NCDN: variants seen among roughly 807,000 people sequenced by gnomAD.
NCDN encodes norbin.
NCDN carries 9 observed loss-of-function variants against 60.7 expected under a neutral mutation model. The ratio of observed to expected loss-of-function variants is 0.15; its 90% confidence interval spans 0.09 to 0.26. The LOEUF (loss-of-function observed/expected upper bound fraction) is 0.26. NCDN is among the 10% of genes least tolerant of loss of function. The pLI, the probability that NCDN is intolerant of heterozygous loss-of-function variation, is 1.00. For missense variants in NCDN, 578 were observed against 975.2 expected (o/e 0.59, Z 5.42); for synonymous variants, 409 against 442.5 (o/e 0.92, Z 0.95).
At chr1:35,564,223 G>A (rs1029616532) in intron 6 of NCDN, among the ~76,000 whole-genome samples, 3 of 152,116 alleles carry the variant, frequency 2.0e-5, no homozygotes, top group Admixed American at 6.5e-5. Context: ...AGGTGGAGCC[G>A]CCCCCACCCA....
In NCDN at chr1:35,565,190, G is replaced by A; in HGVS notation, c.1754-37G>A. 1 of 1,566,576 alleles carries A rather than the reference G, an allele frequency of 6.4e-7. No homozygotes were observed. Among genetic ancestry groups the A allele is most frequent in the South Asian group, 1.2e-5 (1 of 83,574 alleles). ...AAGGGTCTGACACAGCAGCTGGCCTGTCCGATTCATGCCCCACTCCTTCCG... is the reference window on the plus strand; with the variant it reads ...AAGGGTCTGACACAGCAGCTGGCCTATCCGATTCATGCCCCACTCCTTCCG... On this transcript the variant is annotated intron_variant, in intron 6 of 6. Transcript: ENST00000373243. The surrounding 1 kb of genome is among the most constrained non-coding windows in gnomAD (Gnocchi z 8.9).
chr1:35,562,542 G>A lies in NCDN; in HGVS notation c.1294G>A (p.Ala432Thr). 1 of 1,614,088 alleles carries A rather than the reference G, an allele frequency of 6.2e-7. No individual in the cohort carries two copies. ...VRYAKTLYEE[A>T]EEANDLSQQV... ...CTATGCCAAGACCCTCTACGAGGAG[G>A]CCGAGGAGGCCAATGACCTTTCCCA... Residue 432 changes from alanine to threonine, a missense_variant, in exon 4 of 7, where the codon GCC becomes ACC. Physicochemically the swap from Ala to Thr is moderately conservative, Grantham distance 58. This residue lies in a region of NCDN where 363 missense variants were observed against 583.6 expected (regional missense o/e 0.62). Coordinates refer to ENST00000373243, the MANE Select transcript of NCDN (RefSeq NM_014284.3). The surrounding 1 kb of genome is among the most constrained non-coding windows in gnomAD (Gnocchi z 6.8).
intron 6 of NCDN, among the ~76,000 whole-genome samples, 163 bp downstream of exon 6, chr1:35,564,072 TCC>T (rs1053662133): frequency 6.6e-5 from 10 of 152,184 alleles, no homozygotes; most frequent in Non-Finnish European, 1.5e-4. Context: ...CCACCGTTCT[TCC>T]CAAAATGCTA....
At position 35,563,092 on chromosome 1, in the gene NCDN, T is replaced by C. The variant is rs994304169; in HGVS notation, c.1386-110T>C. Reference sequence around the variant, plus strand: ...TTTTTCTGTGGTACCTGCGAGGATGTGTCCTTCTCCCCTACTTCCATTTCT... The same window carrying C: ...TTTTTCTGTGGTACCTGCGAGGATGCGTCCTTCTCCCCTACTTCCATTTCT... On this transcript the variant is annotated intron_variant, in intron 4 of 6. Coordinates refer to ENST00000373243, the MANE Select transcript of NCDN (RefSeq NM_014284.3). This position sits in a 1 kb window ranked among gnomAD's most constrained non-coding sequence, Gnocchi z 6.6. The C allele has an allele frequency of 9.8e-7, 1 of 1,017,172 alleles. No individual in the cohort carries two copies. Among genetic ancestry groups the C allele is most frequent in the Middle Eastern group, 3.0e-4 (1 of 3,300 alleles). The allele number at this position is 1,017,172 out of a possible 1,614,324, so 63.0% of individuals were successfully genotyped here.
rs1421229662 is a variant in NCDN at position 35,563,040 on chromosome 1, T to C, written c.1386-162T>C. 1.3e-5 allele frequency among the ~76,000 whole-genome samples: 2 copies of C among 152,222 alleles called. No individual in the cohort carries two copies. Among genetic ancestry groups the C allele is most frequent in the African/African-American group, 4.8e-5 (2 of 41,462 alleles). On this transcript the variant is annotated intron_variant, in intron 4 of 6. Transcript: ENST00000373243. This position sits in a 1 kb window ranked among gnomAD's most constrained non-coding sequence, Gnocchi z 6.6. ...TTGTGGCAGAGCCCAAGTTTGGTCCTGGGTTGTGCGACTCTGAAGCTTGTA... is the reference window on the plus strand; with the variant it reads ...TTGTGGCAGAGCCCAAGTTTGGTCCCGGGTTGTGCGACTCTGAAGCTTGTA...
At chr1:35,559,064 C>T in intron 1 of NCDN, 43 bp from the exon 2 acceptor site, 1 of 1,357,762 alleles carries the variant, frequency 7.4e-7, no homozygotes, top group Non-Finnish European at 1.0e-6. Flanking sequence ...CCACCCCCGT[C>T]CCTCCTCTGC....
rs770201290 is a variant in NCDN, at chr1:35,565,405, C to T, written c.1932C>T (p.Phe644=). Residue 644 remains phenylalanine (F), a synonymous_variant, in exon 7 of 7, where the codon TTC becomes TTT. Coordinates refer to ENST00000373243, the MANE Select transcript of NCDN (RefSeq NM_014284.3). The surrounding 1 kb of genome is among the most constrained non-coding windows in gnomAD (Gnocchi z 8.9). ...TCTGGTTCCTGGGCATGCAGGCCTT[C>T]ACCGGCTGTGTGCCTCTGCTGCCCT... ...QELWFLGMQA[F]TGCVPLLPWL... The T allele has an allele frequency of 1.2e-6, 2 of 1,612,912 alleles. No individual in the cohort carries two copies. Among genetic ancestry groups the T allele is most frequent in the South Asian group, 1.1e-5 (1 of 91,018 alleles).
At position 35,559,141 on chromosome 1, in the gene NCDN, A is replaced by T; in HGVS notation, c.68A>T (p.Glu23Val). 1 of 1,612,024 alleles carries T rather than the reference A, an allele frequency of 6.2e-7. No homozygotes were observed. The highest frequency in any genetic ancestry group is 8.5e-7 in the Non-Finnish European group (1 of 1,179,762). Residue 23 changes from glutamate to valine, a missense_variant, in exon 2 of 7, where the codon GAG (glutamate) becomes GTG (valine). Physicochemically the swap from Glu to Val is moderately radical, Grantham distance 121. Transcript: ENST00000373243. Reference protein sequence around the residue: ...GKASIMASDCEPALNQAEGRN... With the variant: ...GKASIMASDCVPALNQAEGRN... ...GCGAGCATCATGGCCTCGGATTGCG[A>T]GCCAGCTCTGAACCAGGCAGAGGGC...
At position 35,565,358 on chromosome 1, in the gene NCDN, A is replaced by G. The variant is rs1648837507; in HGVS notation, c.1885A>G (p.Ile629Val). The change falls in exon 7 of 7, where the codon ATC becomes GTC. Residue 629 changes from isoleucine (I) to valine (V), a missense_variant. Transcript: ENST00000373243. The surrounding 1 kb of genome is among the most constrained non-coding windows in gnomAD (Gnocchi z 8.9). ...AGCCCTGTCCCCTGAGTATGAGGGC[A>G]TCTGGGCCGACCTGCAGGAGCTCTG... ...VLALSPEYEG[I>V]WADLQELWFL... 1.2e-6 allele frequency: 2 copies of G among 1,613,676 alleles called. No homozygotes were observed. Among genetic ancestry groups the G allele is most frequent in the Admixed American group, 1.7e-5 (1 of 59,996 alleles).
chr1:35,561,413 A>T lies in NCDN; in HGVS notation c.1143+119A>T. ...CGAAGCTGCATGTCCACACAAGCTGATACTGTAGCCAGCACTCCAGGGAGT... is the reference window on the plus strand; with the variant it reads ...CGAAGCTGCATGTCCACACAAGCTGTTACTGTAGCCAGCACTCCAGGGAGT... On this transcript the variant is annotated intron_variant, in intron 3 of 6. Transcript: ENST00000373243. This position sits in a 1 kb window ranked among gnomAD's most constrained non-coding sequence, Gnocchi z 4.9. The T allele has an allele frequency of 7.2e-7, 1 of 1,386,550 alleles. No homozygotes were observed. The highest frequency in any genetic ancestry group is 9.5e-7 in the Non-Finnish European group (1 of 1,047,458). The allele number at this position is 1,386,550 out of a possible 1,614,324, so 85.9% of individuals were successfully genotyped here.
chr1:35,560,304 T>C lies in NCDN; in HGVS notation c.175-22T>C. ...TTCCCACTTCTTCCTTTCATCCTGATGATAGCACATACCCCCTATAGGTGA... is the reference window on the plus strand; with the variant it reads ...TTCCCACTTCTTCCTTTCATCCTGACGATAGCACATACCCCCTATAGGTGA... On this transcript the variant is annotated intron_variant, in intron 2 of 6. Transcript: ENST00000373243. This position sits in a 1 kb window ranked among gnomAD's most constrained non-coding sequence, Gnocchi z 7.6. The C allele has an allele frequency of 1.9e-6, 3 of 1,604,446 alleles. No individual in the cohort carries two copies. Among genetic ancestry groups the C allele is most frequent in the Non-Finnish European group, 2.6e-6 (3 of 1,175,446 alleles).
In NCDN at chr1:35,559,064, CCCT is replaced by C. The variant is rs952309537; in HGVS notation, c.34-38_34-36del. The C allele has an allele frequency of 5.9e-6, 8 of 1,357,632 alleles. No individual in the cohort carries two copies. The Admixed American group carries it at 1.2e-4, about 20-fold the overall frequency. The allele number at this position is 1,357,632 out of a possible 1,614,324, so 84.1% of individuals were successfully genotyped here. ...ACTCTCACCCCCACCCCACCCCCGTCCCTCCTCTGCAGAGGGATGCTCAGTCCC... is the reference window on the plus strand; with the variant it reads ...ACTCTCACCCCCACCCCACCCCCGTCCCTCTGCAGAGGGATGCTCAGTCCC... On this transcript the variant is annotated intron_variant, in intron 1 of 6. Coordinates refer to ENST00000373243, the MANE Select transcript of NCDN (RefSeq NM_014284.3).
At position 35,562,760 on chromosome 1, in the gene NCDN, T is replaced by C. The variant is rs982349478; in HGVS notation, c.1385+127T>C. 8 of 1,316,168 alleles carry C rather than the reference T, an allele frequency of 6.1e-6. No individual in the cohort carries two copies. Among genetic ancestry groups the C allele is most frequent in the Non-Finnish European group, 8.1e-6 (8 of 990,238 alleles). 81.5% of individuals were successfully genotyped at this position (1,316,168 alleles called of 1,614,324 possible). ...TTGGGCCATGAGATATCCCTTAGGG[T>C]TATTTCTGTTTTGGGGGGCTTGTTC... On this transcript the variant is annotated intron_variant, in intron 4 of 6. Transcript: ENST00000373243. This position sits in a 1 kb window ranked among gnomAD's most constrained non-coding sequence, Gnocchi z 6.8.
In NCDN at chr1:35,561,111, G is replaced by C. The variant is rs767016268; in HGVS notation, c.960G>C (p.Leu320=). 1 of 1,613,758 alleles carries C rather than the reference G, an allele frequency of 6.2e-7. No individual in the cohort carries two copies. The highest frequency in any genetic ancestry group is 8.5e-7 in the Non-Finnish European group (1 of 1,179,898). ...ATCTGGCGTGCGTGGAAGTGCGGCT[G>C]GCACTGGAGGAGACGGGCACGGAGG... ...LVNLACVEVR[L]ALEETGTEVK... Residue 320 remains leucine (L), a synonymous_variant, in exon 3 of 7, where the codon CTG becomes CTC. Coordinates refer to ENST00000373243, the MANE Select transcript of NCDN (RefSeq NM_014284.3). The surrounding 1 kb of genome is among the most constrained non-coding windows in gnomAD (Gnocchi z 4.9).
chr1:35,560,185 A>G lies in NCDN; in HGVS notation c.175-141A>G, dbSNP rs1648646948. 8.5e-7 allele frequency: 1 copy of G among 1,174,330 alleles called. No individual in the cohort carries two copies. Among genetic ancestry groups the G allele is most frequent in the Non-Finnish European group, 1.2e-6 (1 of 835,308 alleles). 72.7% of individuals were successfully genotyped at this position (1,174,330 alleles called of 1,614,324 possible). A position where few individuals can be genotyped will look rare whatever the true frequency, so the allele number is the denominator to read the frequency against. On this transcript the variant is annotated intron_variant, in intron 2 of 6. Coordinates refer to ENST00000373243, the MANE Select transcript of NCDN (RefSeq NM_014284.3). This position sits in a 1 kb window ranked among gnomAD's most constrained non-coding sequence, Gnocchi z 7.6. ...ACATTTATCTGCCTCTAAGGAGAAA[A>G]AAGGAGCTGGATGAAATGACCTCAG...
rs1164023649 is a variant in NCDN, at chr1:35,564,979, C to A, written c.1754-248C>A. Among the ~76,000 whole-genome samples the A allele has an allele frequency of 2.6e-5, 4 of 152,312 alleles. No individual in the cohort carries two copies. The East Asian group carries it at 7.7e-4, about 29-fold the overall frequency. The stretch of plus-strand genomic sequence containing the variant: ...GTGGTTGAGTGTACCAAGATGATCA[C>A]ATTTAATTCTCACAACAAATTTCTA... On this transcript the variant is annotated intron_variant, in intron 6 of 6. Coordinates refer to ENST00000373243, the MANE Select transcript of NCDN (RefSeq NM_014284.3).
At position 35,565,869 on chromosome 1, in the gene NCDN, G is replaced by A. The variant is rs1648857716; in HGVS notation, c.*206G>A. 2 of 595,808 alleles carry A rather than the reference G, an allele frequency of 3.4e-6. No individual in the cohort carries two copies. Among genetic ancestry groups the A allele is most frequent in the Admixed American group, 6.7e-5 (2 of 29,724 alleles). The allele number at this position is 595,808 out of a possible 1,614,324, so 36.9% of individuals were successfully genotyped here. A position where few individuals can be genotyped will look rare whatever the true frequency, so the allele number is the denominator to read the frequency against. ...TTCCGCCCCTCAGGCCCCCATGGGGGCAGGGATCGGCTTGGAAATCAACGT... is the reference window on the plus strand; with the variant it reads ...TTCCGCCCCTCAGGCCCCCATGGGGACAGGGATCGGCTTGGAAATCAACGT... On this transcript the variant is annotated 3_prime_UTR_variant, in exon 7 of 7. Transcript: ENST00000373243. The surrounding 1 kb of genome is among the most constrained non-coding windows in gnomAD (Gnocchi z 8.9).
Position 35,560,339 on chromosome 1 carries a change from T to A in NCDN, c.188T>A (p.Val63Asp). ...TACCCCCTATAGGTGACCAAGGCAG[T>A]CAAAGCAGGTGACATAGATGCCAAA... ...FAALLLVTKA[V>D]KAGDIDAKTR... is the part of the protein sequence containing the mutation. Residue 63 changes from valine to aspartate, a missense_variant, in exon 3 of 7, where the codon GTC becomes GAC. Physicochemically the swap from Val to Asp is radical, Grantham distance 152. Transcript: ENST00000373243. The surrounding 1 kb of genome is among the most constrained non-coding windows in gnomAD (Gnocchi z 7.6). 1 of 1,613,436 alleles carries A rather than the reference T, an allele frequency of 6.2e-7. No homozygotes were observed. The highest frequency in any genetic ancestry group is 8.5e-7 in the Non-Finnish European group (1 of 1,179,970).
chr1:35,562,341 C>A lies in NCDN; in HGVS notation c.1144-51C>A. On this transcript the variant is annotated intron_variant, in intron 3 of 6. Transcript: ENST00000373243. The surrounding 1 kb of genome is among the most constrained non-coding windows in gnomAD (Gnocchi z 6.8). ...TCTAGCTGGCTGGCCTCTGGCAAGGCAGGGAGGGTCCCTGGTCCTGCTCCA... is the reference window on the plus strand; with the variant it reads ...TCTAGCTGGCTGGCCTCTGGCAAGGAAGGGAGGGTCCCTGGTCCTGCTCCA... 2 of 1,590,458 alleles carry A rather than the reference C, an allele frequency of 1.3e-6. No homozygotes were observed. Among genetic ancestry groups the A allele is most frequent in the Non-Finnish European group, 1.7e-6 (2 of 1,166,336 alleles).
Sources: allele counts gnomAD v4.1 joint callset (sites outside exome capture counted in the v4.1 genomes callset), GRCh38; gene constraint gnomAD v4.1.1; regional missense constraint gnomAD v4.1.1; non-coding constraint Gnocchi (gnomAD v3.1); transcripts MANE v1.5; gene names NCBI Gene and HGNC (gene_info 2026-07-23, HGNC 2026-07-21).